The following SLC24A2 variants were observed in gnomAD, a reference collection of about 807,000 sequenced individuals.
The protein encoded by SLC24A2 is solute carrier family 24 member 2.
A neutral mutation model predicts 62.0 loss-of-function variants in SLC24A2; 36 were observed. The ratio of observed to expected loss-of-function variants is 0.58; its 90% CI spans 0.44 to 0.77. The LOEUF (loss-of-function observed/expected upper bound fraction) is 0.77, where lower values mean the gene tolerates loss of function less well. SLC24A2 is among the 30% of genes least tolerant of loss of function. SLC24A2 has a pLI of 0.00. For synonymous variants in SLC24A2, 358 were observed against 294.0 expected, an observed-to-expected ratio of 1.22 and a Z score of -2.23; for missense variants, 846 against 817.9, an observed-to-expected ratio of 1.03 and a Z score of -0.42.
At chr9:19,798,626 A>ACACACC in the SLC24A2 span, among the ~76,000 whole-genome samples, 11 of 149,944 alleles carry the variant, frequency 7.3e-5, no homozygotes, top group African/African-American at 2.5e-4. Context: ...ACACACACAC[A>ACACACC]CCCCTGGAAA....
the SLC24A2 span, among the ~76,000 whole-genome samples, chr9:19,876,412 G>A: frequency 6.7e-6 from 1 of 149,126 alleles, no homozygotes; most frequent in Non-Finnish European, 1.5e-5. Flanking sequence ...GTACATGTGT[G>A]CCAATTGTGG....
At chr9:20,075,435 G>C in the SLC24A2 span, among the ~76,000 whole-genome samples, 1 of 152,158 alleles carries the variant, frequency 6.6e-6, no homozygotes, top group Non-Finnish European at 1.5e-5. Context: ...TCCAAAGACT[G>C]TAATTTTAAG....
chr9:19,912,401 G>T, the SLC24A2 span, among the ~76,000 whole-genome samples: 5 of 152,060 alleles, frequency 3.3e-5, no homozygotes, highest in Admixed American at 3.3e-4. Flanking sequence ...CCATTGGCAG[G>T]GATTTAAATC....
the SLC24A2 span, among the ~76,000 whole-genome samples, chr9:20,266,694 G>A: frequency 6.6e-6 from 1 of 152,112 alleles, no homozygotes; most frequent in African/African-American, 2.4e-5. Flanking sequence ...ATTAGTCTAG[G>A]TTCTACATAA....
the SLC24A2 span, among the ~76,000 whole-genome samples, chr9:19,989,173 A>G: frequency 6.6e-6 from 1 of 152,296 alleles, no homozygotes; most frequent in East Asian, 1.9e-4. Flanking sequence ...AGTAGAGTTC[A>G]TTAACCATAA....
chr9:20,177,692 T>C, the SLC24A2 span, among the ~76,000 whole-genome samples: 2 of 152,070 alleles, frequency 1.3e-5, no homozygotes, highest in Non-Finnish European at 1.5e-5. Flanking sequence ...GATTCTAAAA[T>C]ATAAGTAGAT....
Position 19,570,959 on chromosome 9 carries a change from C to T in SLC24A2, c.1347+2392G>A, listed in dbSNP as rs540830877. On this transcript the variant is annotated intron_variant, in intron 7 of 10. Coordinates refer to ENST00000341998, the MANE Select transcript of SLC24A2 (RefSeq NM_020344.4). ...GGGTGGTGCACAAATCTGTCCTGTT[C>T]CCCTTTGTGGAGACCTAGGGCCACA... 3.9e-5 allele frequency among the ~76,000 whole-genome samples: 6 copies of T among 152,312 alleles called. No homozygotes were observed. In the South Asian group the frequency reaches 8.3e-4, roughly 21 times the overall value.
the SLC24A2 span, among the ~76,000 whole-genome samples, chr9:20,302,116 C>T: frequency 1.3e-5 from 2 of 152,156 alleles, no homozygotes; most frequent in African/African-American, 2.4e-5. Context: ...GACATACCAC[C>T]GTTTATTTAT....
chr9:19,817,032 C>CA, the SLC24A2 span, among the ~76,000 whole-genome samples: 1 of 152,090 alleles, frequency 6.6e-6, no homozygotes, highest in Non-Finnish European at 1.5e-5. Context: ...GGAATGAATG[C>CA]AATTGTTTGA....
intron 10 of SLC24A2, among the ~76,000 whole-genome samples, chr9:19,518,644 T>A (rs1189690905): frequency 6.6e-6 from 1 of 152,108 alleles, no homozygotes; most frequent in Non-Finnish European, 1.5e-5. Flanking sequence ...ATGGTCTCAA[T>A]CTCTTGACCT....
the SLC24A2 span, among the ~76,000 whole-genome samples, chr9:19,966,321 A>C: frequency 6.6e-6 from 1 of 152,206 alleles, no homozygotes. Context: ...CCGTGTGTGC[A>C]TGCCCATAAT....
At chr9:19,731,018 G>C (rs565829509) in intron 2 of SLC24A2, among the ~76,000 whole-genome samples, 1 of 152,176 alleles carries the variant, frequency 6.6e-6, no homozygotes, top group African/African-American at 2.4e-5. Flanking sequence ...AATGCTAAGT[G>C]ATAATTGATT....
the SLC24A2 span, among the ~76,000 whole-genome samples, chr9:20,163,539 G>A: frequency 9.2e-5 from 14 of 152,254 alleles, no homozygotes; most frequent in Admixed American, 4.6e-4. Flanking sequence ...TCAATACCAT[G>A]AAAATGGTCA....
chr9:19,549,058 C>G (rs1470218633), intron 8 of SLC24A2, among the ~76,000 whole-genome samples: 2 of 152,182 alleles, frequency 1.3e-5, no homozygotes, highest in Non-Finnish European at 1.5e-5. Flanking sequence ...TGGGTGTATT[C>G]TCTTGATTTG....
At chr9:20,134,655 G>A in the SLC24A2 span, among the ~76,000 whole-genome samples, 1 of 152,150 alleles carries the variant, frequency 6.6e-6, no homozygotes, top group Admixed American at 6.5e-5. Context: ...TGTTATTAGA[G>A]TCCCATTAGT....
the SLC24A2 span, among the ~76,000 whole-genome samples, chr9:19,886,288 T>G: frequency 6.6e-6 from 1 of 152,202 alleles, no homozygotes; most frequent in African/African-American, 2.4e-5. Flanking sequence ...AATCATAGCC[T>G]TTCTGACTAG....
At chr9:20,163,469 A>G in the SLC24A2 span, among the ~76,000 whole-genome samples, 1 of 152,182 alleles carries the variant, frequency 6.6e-6, no homozygotes, top group Admixed American at 6.6e-5. Context: ...CCACTGCTCA[A>G]GGAAATAAAA....
chr9:19,598,456 C>T (rs558928949), intron 4 of SLC24A2, among the ~76,000 whole-genome samples: 151 of 152,148 alleles, frequency 9.9e-4, no homozygotes, highest in African/African-American at 3.5e-3. Context: ...TTTTCATGTG[C>T]CTAGATTTCT....
the SLC24A2 span, among the ~76,000 whole-genome samples, chr9:20,227,174 T>A: frequency 8.5e-5 from 13 of 152,292 alleles, no homozygotes; most frequent in East Asian, 2.3e-3. Context: ...CTAACTGCCA[T>A]GACACACAGA....
Sources: gnomAD v4.1 joint callset for allele counts (sites outside exome capture counted in the v4.1 genomes callset) on GRCh38, gnomAD v4.1.1 for gene constraint, MANE v1.5 for transcripts, NCBI Gene and HGNC (gene_info 2026-07-23, HGNC 2026-07-21) for gene names.